Variants in C10orf90 observed in about 807,000 individuals in gnomAD.
C10orf90 encodes (E2-independent) E3 ubiquitin-conjugating enzyme FATS.
In C10orf90, 56 loss-of-function variants were observed where a neutral mutation model predicts 62.5. The observed-to-expected ratio is 0.90, with a 90% confidence interval of 0.72 to 1.12. C10orf90 has a LOEUF of 1.12. Among genes scored for constraint, C10orf90 ranks in the 50% most tolerant of loss-of-function variants. The pLI is 0.00. For synonymous variants in C10orf90, 386 were observed against 340.4 expected, an observed-to-expected ratio of 1.13 and a Z score of -1.47; for missense variants, 970 against 880.4, an observed-to-expected ratio of 1.10 and a Z score of -1.29.
chr10:126,613,394 A>G (rs567987021), intron 2 of C10orf90, among the ~76,000 whole-genome samples: 2 of 151,898 alleles, frequency 1.3e-5, no homozygotes, highest in South Asian at 4.2e-4. Flanking sequence ...GTGCCACCAT[A>G]CCCAGCTAGT....
chr10:126,556,175 G>T (rs1864767767), intron 2 of C10orf90, among the ~76,000 whole-genome samples: 1 of 152,186 alleles, frequency 6.6e-6, no homozygotes. Flanking sequence ...GGGGTTGAGT[G>T]CTGTGTCCTG....
intron 1 of C10orf90, among the ~76,000 whole-genome samples, chr10:126,663,155 G>A (rs1239373439): frequency 6.6e-6 from 1 of 152,212 alleles, no homozygotes; most frequent in Non-Finnish European, 1.5e-5. Flanking sequence ...AGAACTGTAA[G>A]GAAGTTATCA....
intron 2 of C10orf90, among the ~76,000 whole-genome samples, chr10:126,555,349 T>C (rs1163380012): frequency 6.6e-6 from 1 of 152,088 alleles, no homozygotes; most frequent in Non-Finnish European, 1.5e-5. Context: ...GAGGTTGATA[T>C]ATTAATTTAT....
intron 2 of C10orf90, among the ~76,000 whole-genome samples, chr10:126,532,842 C>CAAAAAAAAAATAAAAAAAAAAAAAA (rs1864134348): frequency 8.3e-5 from 1 of 12,102 alleles, no homozygotes; most frequent in Non-Finnish European, 1.4e-4. Context: ...GACTACGTCT[C>CAAAAAAAAAATAAAAAAAAAAAAAA]AAAAAAAAAA....
intron 1 of C10orf90, among the ~76,000 whole-genome samples, chr10:126,651,145 T>A (rs970466955): frequency 6.6e-6 from 1 of 152,188 alleles, no homozygotes; most frequent in Admixed American, 6.5e-5. Flanking sequence ...TTCTCCCAAA[T>A]CCTGCCATCA....
At chr10:126,515,525 G>T (rs992811595) in intron 2 of C10orf90, among the ~76,000 whole-genome samples, 13 of 152,086 alleles carry the variant, frequency 8.5e-5, no homozygotes, top group Non-Finnish European at 1.8e-4. Flanking sequence ...CACTATACAC[G>T]TTTCTAGCCC....
intron 6 of C10orf90, among the ~76,000 whole-genome samples, 166 bp downstream of exon 6, chr10:126,461,235 A>G (rs930285798): frequency 3.3e-5 from 5 of 152,326 alleles, no homozygotes; most frequent in African/African-American, 9.6e-5. Context: ...TCAAACAGTG[A>G]CAGAGTGGCC....
chr10:126,523,366 C>T (rs1450780941), intron 2 of C10orf90: 1 of 152,222 alleles, frequency 6.6e-6, no homozygotes, highest in Non-Finnish European at 1.5e-5. Flanking sequence ...ATGCCACTAT[C>T]TCAGTGCAGC....
intron 2 of C10orf90, among the ~76,000 whole-genome samples, chr10:126,578,946 TTC>T (rs1476667118): frequency 6.6e-6 from 1 of 152,216 alleles, no homozygotes; most frequent in Non-Finnish European, 1.5e-5. Flanking sequence ...GAAATTCATG[TTC>T]TGTTTCTTGG....
At chr10:126,457,248 C>T (rs1284073134) in intron 7 of C10orf90, among the ~76,000 whole-genome samples, 1 of 152,236 alleles carries the variant, frequency 6.6e-6, no homozygotes, top group Admixed American at 6.5e-5. Context: ...CTTGGCCTCC[C>T]AAAGTGCTGG....
chr10:126,442,931 A>G (rs1858494778), intron 7 of C10orf90, among the ~76,000 whole-genome samples: 1 of 152,006 alleles, frequency 6.6e-6, no homozygotes, highest in Admixed American at 6.5e-5. Flanking sequence ...AAACGAAATC[A>G]AGATGGAAAT....
chr10:126,637,073 G>A (rs1016408493), intron 2 of C10orf90, among the ~76,000 whole-genome samples: 13 of 152,102 alleles, frequency 8.5e-5, no homozygotes, highest in African/African-American at 3.1e-4. Context: ...CTTTAAAGGA[G>A]CCGAAAGTCA....
chr10:126,658,824 C>T (rs1846448385), intron 1 of C10orf90, among the ~76,000 whole-genome samples: 1 of 152,108 alleles, frequency 6.6e-6, no homozygotes, highest in African/African-American at 2.4e-5. Flanking sequence ...CTTGAATGGG[C>T]TCAAATGATC....
chr10:126,490,083 A>AATAATATATAATATATAATATAATT (rs1861676133), intron 4 of C10orf90, among the ~76,000 whole-genome samples: 1 of 112,622 alleles, frequency 8.9e-6, no homozygotes, highest in African/African-American at 3.5e-5. Flanking sequence ...ATAATATAAT[A>AATAATATATAATATATAATATAATT]ATAATATATA....
At chr10:126,462,442 T>C (rs1269040828) in intron 5 of C10orf90, among the ~76,000 whole-genome samples, 1 of 152,150 alleles carries the variant, frequency 6.6e-6, no homozygotes, top group Non-Finnish European at 1.5e-5. Flanking sequence ...CCCTCCAGGC[T>C]GAGTCCAAAC....
chr10:126,589,541 G>C (rs553882064), intron 2 of C10orf90, among the ~76,000 whole-genome samples: 2 of 152,274 alleles, frequency 1.3e-5, no homozygotes, highest in East Asian at 1.9e-4. Flanking sequence ...AAGAGATTGA[G>C]GGTCAATATT....
intron 2 of C10orf90, chr10:126,521,513 G>A: frequency 2.9e-6 from 4 of 1,361,934 alleles, no homozygotes; most frequent in East Asian, 5.3e-5. Flanking sequence ...TCACCGGAAT[G>A]TTTACAGGGC....
intron 2 of C10orf90, among the ~76,000 whole-genome samples, chr10:126,568,222 C>T (rs994963866): frequency 3.3e-5 from 5 of 152,202 alleles, no homozygotes; most frequent in East Asian, 1.9e-4. Flanking sequence ...CGGACCCAAC[C>T]GGGCTCTGTG....
At chr10:126,654,254 C>T (rs1020245367) in intron 1 of C10orf90, among the ~76,000 whole-genome samples, 1 of 152,186 alleles carries the variant, frequency 6.6e-6, no homozygotes, top group South Asian at 2.1e-4. Flanking sequence ...TAGAAGGCAT[C>T]GTCTTCCAGT....
Sources: allele counts gnomAD v4.1 joint callset (sites outside exome capture counted in the v4.1 genomes callset), GRCh38; gene constraint gnomAD v4.1.1; transcripts MANE v1.5; gene names NCBI Gene and HGNC (gene_info 2026-07-23, HGNC 2026-07-21).